The following DBNDD2 variants were observed in gnomAD, a reference collection of about 807,000 sequenced individuals.
DBNDD2 encodes dysbindin domain containing 2, also known as dysbindin domain-containing protein 2.
A neutral mutation model predicts 14.0 loss-of-function variants in DBNDD2; 8 were observed. The ratio of observed to expected loss-of-function variants is 0.57; its 90% confidence interval spans 0.33 to 1.03. DBNDD2 has a LOEUF of 1.03. DBNDD2 is among the 50% of genes least tolerant of loss of function. The pLI is 0.03. For missense variants in DBNDD2, 194 were observed against 206.0 expected, an observed-to-expected ratio of 0.94 and a Z score of 0.36; for synonymous variants, 94 against 85.3, an observed-to-expected ratio of 1.10 and a Z score of -0.56.
chr20:45,406,198 G>A, upstream of DBNDD2: 1 of 479,596 alleles, frequency 2.1e-6, no homozygotes, highest in Non-Finnish European at 3.7e-6. Context: ...GTCCTCTGGA[G>A]AAGTGCGCGC....
rs1989622266 is a variant in DBNDD2 at position 45,408,524 on chromosome 20, G to A, written c.57G>A (p.Arg19=). Reference sequence around the variant, plus strand: ...GCCAGCAGCTCCGCCTTCGGGAGCGGCAAAAATTCTTCGAGGACATTTTAC... The same window carrying A: ...GCCAGCAGCTCCGCCTTCGGGAGCGACAAAAATTCTTCGAGGACATTTTAC... ...LERQQLRLRE[R]QKFFEDILQP... Residue 19 remains arginine, a synonymous_variant, in exon 1 of 3, where the codon CGG becomes CGA. Transcript: ENST00000372710. 6.2e-7 allele frequency: 1 copy of A among 1,614,240 alleles called. No individual in the cohort carries two copies. The highest frequency in any genetic ancestry group is 8.5e-7 in the Non-Finnish European group (1 of 1,180,050).
upstream of DBNDD2, chr20:45,408,096 G>T: frequency 6.7e-7 from 1 of 1,482,216 alleles, no homozygotes. Flanking sequence ...GGCCAATTAA[G>T]GGGAAAACGT....
At chr20:45,406,725 C>A, upstream of DBNDD2, 1 of 1,284,966 alleles carries the variant, frequency 7.8e-7, no homozygotes, top group Non-Finnish European at 9.8e-7. Flanking sequence ...GGGGCGCCAG[C>A]GCTGCAGGTA....
upstream of DBNDD2, chr20:45,407,727 G>A (rs1293168340): frequency 6.9e-5 from 69 of 997,862 alleles, no homozygotes; most frequent in South Asian, 2.1e-3. Flanking sequence ...AAGGAAAGAT[G>A]GTAGTCTCCT....
At chr20:45,406,777 C>T, upstream of DBNDD2, 1 of 1,257,174 alleles carries the variant, frequency 8.0e-7, no homozygotes, top group Admixed American at 4.3e-5. Context: ...CGGTGGACCG[C>T]GGAGGGGACC....
chr20:45,410,317 A>G lies in DBNDD2; in HGVS notation c.*177A>G, dbSNP rs114265514. 5.4e-6 allele frequency: 4 copies of G among 742,970 alleles called. No homozygotes were observed. The South Asian group carries it at 5.7e-5, about 11-fold the overall frequency. 46.0% of individuals were successfully genotyped at this position (742,970 alleles called of 1,614,324 possible). A position where few individuals can be genotyped will look rare whatever the true frequency, so the allele number is the denominator to read the frequency against. On this transcript the variant is annotated 3_prime_UTR_variant, in exon 3 of 3. Transcript: ENST00000372710. ...ATTAACCCTCTCCTGCTTTACTGCT[A>G]ATTTTTTCCTGCTGCAACCCTCCCA...
At chr20:45,407,267 C>T (rs939338555), upstream of DBNDD2, 9 of 970,424 alleles carry the variant, frequency 9.3e-6, no homozygotes, top group Non-Finnish European at 1.1e-5. Context: ...GTCAGCGCCT[C>T]GCTCCTCCGC....
chr20:45,406,772 G>T, upstream of DBNDD2: 1 of 1,260,740 alleles, frequency 7.9e-7, no homozygotes, highest in Non-Finnish European at 9.9e-7. Context: ...TGCCGCGGTG[G>T]ACCGCGGAGG....
upstream of DBNDD2, chr20:45,408,188 C>G (rs1989582693): frequency 1.3e-6 from 2 of 1,550,688 alleles, no homozygotes; most frequent in Non-Finnish European, 1.7e-6. Flanking sequence ...TGGCTGTGTT[C>G]CCTGAATACA....
chr20:45,406,881 G>A, upstream of DBNDD2: 1 of 1,114,836 alleles, frequency 9.0e-7, no homozygotes, highest in Non-Finnish European at 1.1e-6. Flanking sequence ...CCCTCTTGCT[G>A]GCTCCAGTGC....
chr20:45,408,505 A>T lies in DBNDD2; in HGVS notation c.38A>T (p.Gln13Leu). 1 of 1,614,272 alleles carries T rather than the reference A, an allele frequency of 6.2e-7. No individual in the cohort carries two copies. Among genetic ancestry groups the T allele is most frequent in the Non-Finnish European group, 8.5e-7 (1 of 1,180,046 alleles). Residue 13 changes from glutamine to leucine, a missense_variant, in exon 1 of 3, where the codon CAG (glutamine) becomes CTG (leucine). Gln to Leu is a moderately radical substitution (Grantham distance 113). Coordinates refer to ENST00000372710, the MANE Select transcript of DBNDD2 (RefSeq NM_001048225.4). Reference sequence around the variant, plus strand: ...CCTCGGGCCGCCCTGGAGCGCCAGCAGCTCCGCCTTCGGGAGCGGCAAAAA... The same window carrying T: ...CCTCGGGCCGCCCTGGAGCGCCAGCTGCTCCGCCTTCGGGAGCGGCAAAAA... ...PNPRAALERQ[Q>L]LRLRERQKFF...
At chr20:45,406,876 T>C (rs945409408), upstream of DBNDD2, 1 of 1,129,856 alleles carries the variant, frequency 8.9e-7, no homozygotes, top group Admixed American at 4.6e-5. Flanking sequence ...TTTTTCCCTC[T>C]TGCTGGCTCC....
At chr20:45,407,624 C>T (rs1375709555), upstream of DBNDD2, 2 of 988,636 alleles carry the variant, frequency 2.0e-6, no homozygotes, top group East Asian at 1.1e-4. Context: ...GACCCAGAAC[C>T]CGCCTTTCCA....
chr20:45,406,364 C>A, upstream of DBNDD2: 14 of 1,262,384 alleles, frequency 1.1e-5, no homozygotes, highest in South Asian at 3.0e-5. Flanking sequence ...GGGGGCGCAG[C>A]AAGTGCATCC....
rs1462328500 is a variant in DBNDD2, at chr20:45,408,884, G to A, written c.223G>A (p.Ala75Thr). 3.1e-6 allele frequency: 5 copies of A among 1,614,124 alleles called. No individual in the cohort carries two copies. Among genetic ancestry groups the A allele is most frequent in the Non-Finnish European group, 4.2e-6 (5 of 1,180,046 alleles). Residue 75 changes from alanine (A) to threonine (T), a missense_variant, in exon 2 of 3, where the codon GCA becomes ACA. Physicochemically the swap from Ala to Thr is moderately conservative, Grantham distance 58. Transcript: ENST00000372710. The stretch of plus-strand genomic sequence containing the variant: ...ACTTATTGACCTTGGGGACCCGGAT[G>A]CAGCAGATGTGTTCTTGCCTTGCGA... ...VELIDLGDPDAADVFLPCEDP... is the reference protein window; with the variant it reads ...VELIDLGDPDTADVFLPCEDP...
chr20:45,406,345 G>C (rs2743259), upstream of DBNDD2: 161,565 of 1,120,104 alleles, frequency 0.14, 13,549 homozygotes, highest in South Asian at 0.29. Flanking sequence ...CCGCGGGTCT[G>C]CGCGGGGCGG....
Position 45,409,991 on chromosome 20 carries a change from T to A in DBNDD2, c.337T>A (p.Ser113Thr). The A allele has an allele frequency of 6.4e-7, 1 of 1,551,640 alleles. No homozygotes were observed. ...LPVPTSDRTT[S>T]RTSSSSSSDS... The stretch of plus-strand genomic sequence containing the variant: ...GGTGCCTACATCAGACAGGACCACA[T>A]CTAGGACCTCCTCCTCCTCCTCCTC... Residue 113 changes from serine (S) to threonine (T), a missense_variant, in exon 3 of 3, where the codon TCT becomes ACT. By Grantham distance (58) the Ser-to-Thr change is moderately conservative. Coordinates refer to ENST00000372710, the MANE Select transcript of DBNDD2 (RefSeq NM_001048225.4).
upstream of DBNDD2, chr20:45,407,575 C>T (rs1989526009): frequency 3.0e-6 from 3 of 986,596 alleles, no homozygotes; most frequent in Non-Finnish European, 3.6e-6. Flanking sequence ...AGGGTCTCAG[C>T]TTCTCAGCCC....
chr20:45,409,782 T>G, intron 2 of DBNDD2, 150 bp from the exon 3 acceptor site: 1 of 741,848 alleles, frequency 1.3e-6, no homozygotes, highest in Non-Finnish European at 2.2e-6. Flanking sequence ...CAGGAGATGG[T>G]GATCTTAATC....
Sources: gnomAD v4.1 joint callset for allele counts on GRCh38, gnomAD v4.1.1 for gene constraint, MANE v1.5 for transcripts, NCBI Gene and HGNC (gene_info 2026-07-23, HGNC 2026-07-21) for gene names.